Variants in CADPS2 observed in about 807,000 individuals in gnomAD.
The protein encoded by CADPS2 is calcium-dependent secretion activator 2.
Under a neutral mutation model 172.5 loss-of-function variants are expected in CADPS2, and 93 were observed. The observed-to-expected ratio is 0.54, with a 90% CI of 0.46 to 0.64. CADPS2 has a LOEUF of 0.64. Ranked by LOEUF, CADPS2 falls within the 30% of genes least tolerant of loss-of-function variation. The pLI is 0.00. For synonymous variants in CADPS2, 546 were observed against 555.2 expected, an observed-to-expected ratio of 0.98 and a Z score of 0.23; for missense variants, 1,420 against 1,565.9, an observed-to-expected ratio of 0.91 and a Z score of 1.57.
At chr7:122,697,682 AACAAAAAAGGAC>A (rs1171559102) in intron 2 of CADPS2, 19 of 858,640 alleles carry the variant, frequency 2.2e-5, no homozygotes, top group Non-Finnish European at 3.3e-5. Context: ...TTACTGAAGT[AACAAAAAAGGAC>A]ACAAAAACCA....
intron 25 of CADPS2, among the ~76,000 whole-genome samples, chr7:122,376,189 T>C (rs2042323253): frequency 6.6e-6 from 1 of 151,942 alleles, no homozygotes; most frequent in Non-Finnish European, 1.5e-5. Flanking sequence ...ACATGAAAAA[T>C]AGAACTACCA....
chr7:122,466,402 C>T lies in CADPS2; in HGVS notation c.2186+4973G>A, dbSNP rs527628714. 5.3e-5 allele frequency among the ~76,000 whole-genome samples: 8 copies of T among 152,310 alleles called. No homozygotes were observed. In the East Asian group the frequency reaches 1.2e-3, roughly 22 times the overall value. On this transcript the variant is annotated intron_variant, in intron 14 of 29. Coordinates refer to ENST00000449022, the MANE Select transcript of CADPS2 (RefSeq NM_017954.11). ...CTCCTGCTTTTCGCTGTCTTTGCCA[C>T]TCCCCTCTGGGGCCACAGTGTTTTC... is the stretch of plus-strand genomic sequence containing the variant.
chr7:122,776,261 C>G (rs761931922), intron 1 of CADPS2, among the ~76,000 whole-genome samples: 32 of 152,260 alleles, frequency 2.1e-4, no homozygotes, highest in East Asian at 1.9e-4. Context: ...TTATAAAGGG[C>G]AGATCCCCTA....
At chr7:122,541,414 C>A (rs2062929700) in intron 8 of CADPS2, among the ~76,000 whole-genome samples, 1 of 143,002 alleles carries the variant, frequency 7.0e-6, no homozygotes, top group Admixed American at 7.1e-5. Flanking sequence ...CCATGTTGGT[C>A]AGGCTGGTCT....
At chr7:122,492,190 A>G (rs556637282) in intron 9 of CADPS2, among the ~76,000 whole-genome samples, 4 of 151,944 alleles carry the variant, frequency 2.6e-5, no homozygotes, top group African/African-American at 9.6e-5. Flanking sequence ...ATAAATGAAT[A>G]AATAAATAAA....
At chr7:122,553,814 T>C (rs573632654) in intron 8 of CADPS2, among the ~76,000 whole-genome samples, 1 of 152,240 alleles carries the variant, frequency 6.6e-6, no homozygotes, top group Non-Finnish European at 1.5e-5. Flanking sequence ...GTAAGAAAAA[T>C]GGCCCCTTTT....
chr7:122,484,393 C>A (rs2057595539), intron 11 of CADPS2, among the ~76,000 whole-genome samples: 1 of 151,916 alleles, frequency 6.6e-6, no homozygotes, highest in Non-Finnish European at 1.5e-5. Context: ...TATGCAAGGG[C>A]AATTCAGGGT....
chr7:122,802,427 A>G (rs767775905), intron 1 of CADPS2, among the ~76,000 whole-genome samples: 50 of 152,166 alleles, frequency 3.3e-4, no homozygotes, highest in Non-Finnish European at 6.6e-4. Context: ...ATCGCTGGTC[A>G]GTCTCACTCA....
chr7:122,577,826 T>C (rs948733083), intron 7 of CADPS2, among the ~76,000 whole-genome samples: 5 of 152,134 alleles, frequency 3.3e-5, no homozygotes, highest in Admixed American at 6.6e-5. Context: ...TGTCAGTTTT[T>C]CTGCATTTTC....
At chr7:122,363,013 A>G (rs1192057866) in intron 25 of CADPS2, among the ~76,000 whole-genome samples, 1 of 151,838 alleles carries the variant, frequency 6.6e-6, no homozygotes, top group African/African-American at 2.4e-5. Flanking sequence ...TAGCTATCCT[A>G]AAGGATGCCT....
At chr7:122,692,901 A>ACT (rs1339043127) in intron 2 of CADPS2, among the ~76,000 whole-genome samples, 3 of 152,096 alleles carry the variant, frequency 2.0e-5, no homozygotes. Flanking sequence ...CAGCAGCTTA[A>ACT]CTCTCTCTCT....
intron 2 of CADPS2, among the ~76,000 whole-genome samples, chr7:122,715,409 G>A (rs892677555): frequency 6.6e-6 from 1 of 152,074 alleles, no homozygotes; most frequent in Non-Finnish European, 1.5e-5. Flanking sequence ...ACTTGAGCTT[G>A]TGAATAAGAC....
At chr7:122,580,567 T>G (rs185078275) in intron 7 of CADPS2, among the ~76,000 whole-genome samples, 1 of 152,078 alleles carries the variant, frequency 6.6e-6, no homozygotes, top group Non-Finnish European at 1.5e-5. Flanking sequence ...TTCACACAGA[T>G]TTACCTAATG....
chr7:122,569,177 G>A (rs2066861727), intron 7 of CADPS2, among the ~76,000 whole-genome samples: 1 of 152,134 alleles, frequency 6.6e-6, no homozygotes, highest in Admixed American at 6.6e-5. Flanking sequence ...AGCAACTTCA[G>A]CAAAGTCTCA....
chr7:122,592,512 C>T (rs1436893171), intron 6 of CADPS2, among the ~76,000 whole-genome samples: 2 of 152,144 alleles, frequency 1.3e-5, no homozygotes, highest in Non-Finnish European at 2.9e-5. Flanking sequence ...GATTATAAAT[C>T]ATGCTGCTAT....
chr7:122,451,298 A>G, intron 15 of CADPS2, 76 bp downstream of exon 15: 1 of 696,508 alleles, frequency 1.4e-6, no homozygotes, highest in Non-Finnish European at 2.2e-6. Context: ...GAATGATATA[A>G]TAAACAATTT....
intron 1 of CADPS2, among the ~76,000 whole-genome samples, chr7:122,747,452 A>G (rs978582938): frequency 1.3e-5 from 2 of 152,170 alleles, no homozygotes; most frequent in Non-Finnish European, 2.9e-5. Flanking sequence ...CTCATTCTTT[A>G]GAAACAGTAT....
intron 14 of CADPS2, among the ~76,000 whole-genome samples, chr7:122,467,141 G>A (rs2055253258): frequency 6.6e-6 from 1 of 152,132 alleles, no homozygotes. Context: ...TTTAGCACAT[G>A]GCATAAAACC....
intron 3 of CADPS2, among the ~76,000 whole-genome samples, chr7:122,648,154 TC>T (rs2078760191): frequency 6.6e-6 from 1 of 152,076 alleles, no homozygotes; most frequent in Non-Finnish European, 1.5e-5. Context: ...TCTCTTGGAT[TC>T]CCTGATGCCT....
Sources: gnomAD v4.1 joint callset for allele counts (sites outside exome capture counted in the v4.1 genomes callset) on GRCh38, gnomAD v4.1.1 for gene constraint, MANE v1.5 for transcripts, NCBI Gene and HGNC (gene_info 2026-07-23, HGNC 2026-07-21) for gene names.